The following ZNF331 variants were observed in gnomAD, a reference collection of about 807,000 sequenced individuals.
ZNF331 encodes C2H2-like zinc finger protein rearranged in thyroid adenomas.
Under a neutral mutation model 7.0 loss-of-function variants are expected in ZNF331, and 2 were observed. The ratio of observed to expected loss-of-function variants is 0.29; its 90% CI spans 0.12 to 0.90. The LOEUF (loss-of-function observed/expected upper bound fraction) is 0.90, where lower values mean the gene tolerates loss of function less well. Ranked by LOEUF, ZNF331 falls within the 40% of genes least tolerant of loss-of-function variation. ZNF331 has a pLI of 0.58. For missense variants in ZNF331, 432 were observed against 587.7 expected (o/e 0.74, Z 2.74); for synonymous variants, 196 against 205.4 (o/e 0.95, Z 0.39).
chr19:53,563,375 C>T (rs187961711), intron 3 of ZNF331, among the ~76,000 whole-genome samples: 6 of 152,142 alleles, frequency 3.9e-5, no homozygotes, highest in East Asian at 1.9e-4. Context: ...TGTGAGCCAC[C>T]GCACCCAGCC....
At position 53,573,298 on chromosome 19, in the gene ZNF331, C is replaced by T. The variant is rs981389453; in HGVS notation, c.136+1568C>T. Among the ~76,000 whole-genome samples, 9 of 151,622 alleles carry T rather than the reference C, an allele frequency of 5.9e-5. No individual in the cohort carries two copies. Among genetic ancestry groups the T allele is most frequent in the African/African-American group, 1.2e-4 (5 of 41,234 alleles). ...CTGGCAGGCCAAGGCAGACGGATCA[C>T]GAAGATAGGAGTTCGAGACCAGCTT... On this transcript the variant is annotated intron_variant, in intron 5 of 5. Coordinates refer to ENST00000449416, the MANE Select transcript of ZNF331 (RefSeq NM_001079906.2). The surrounding 1 kb of genome is among the most constrained non-coding windows in gnomAD (Gnocchi z 4.2).
exon 1 of ZNF331, chr19:53,521,159 T>A (rs1317504197): frequency 6.6e-6 from 1 of 152,198 alleles, no homozygotes; most frequent in Non-Finnish European, 1.5e-5. Context: ...CCTGATGTGC[T>A]GGGTGTGGTT....
upstream of ZNF331, among the ~76,000 whole-genome samples, chr19:53,514,859 C>T (rs1275664990): frequency 4.6e-5 from 7 of 152,116 alleles, no homozygotes; most frequent in African/African-American, 1.7e-4. Flanking sequence ...ACCATGTTAG[C>T]CAGGATGGTC....
intron 2 of ZNF331, among the ~76,000 whole-genome samples, chr19:53,544,063 C>T (rs193044368): frequency 1.3e-5 from 2 of 151,284 alleles, no homozygotes; most frequent in Admixed American, 6.6e-5. Context: ...CCCATCTCTA[C>T]TAAAAATACA....
chr19:53,534,983 T>G (rs1287332703), upstream of ZNF331, among the ~76,000 whole-genome samples: 2 of 131,484 alleles, frequency 1.5e-5, no homozygotes, highest in African/African-American at 5.8e-5. Context: ...CCTATAATTA[T>G]ATACTTTATA....
chr19:53,545,743 G>C (rs2088553317), intron 2 of ZNF331, among the ~76,000 whole-genome samples: 1 of 152,178 alleles, frequency 6.6e-6, no homozygotes, highest in African/African-American at 2.4e-5. Context: ...GGACATGAGA[G>C]CCAGGACCCT....
Position 53,558,807 on chromosome 19 carries a change from A to G in ZNF331, c.-74+2899A>G, listed in dbSNP as rs2147503563. On this transcript the variant is annotated intron_variant, in intron 3 of 5. Transcript: ENST00000449416. This position sits in a 1 kb window ranked among gnomAD's most constrained non-coding sequence, Gnocchi z 4.5. ...GACAAGAACATACAGACACACTCAT[A>G]CCCCATATATACACACATATAGGCA... Among the ~76,000 whole-genome samples the G allele has an allele frequency of 6.6e-6, 1 of 151,838 alleles. No homozygotes were observed. Among genetic ancestry groups the G allele is most frequent in the African/African-American group, 2.4e-5 (1 of 41,330 alleles).
chr19:53,519,743 A>G (rs2086996535), upstream of ZNF331, among the ~76,000 whole-genome samples: 1 of 152,178 alleles, frequency 6.6e-6, no homozygotes, highest in Non-Finnish European at 1.5e-5. Context: ...CCTTACAGAG[A>G]GAGCCTTGGC....
At position 53,544,915 on chromosome 19, in the gene ZNF331, G is replaced by A. The variant is rs190208917; in HGVS notation, c.-138+5633G>A. 3.9e-5 allele frequency among the ~76,000 whole-genome samples: 6 copies of A among 152,092 alleles called. No individual in the cohort carries two copies. The East Asian group carries it at 1.2e-3, about 30-fold the overall frequency. On this transcript the variant is annotated intron_variant, in intron 2 of 5. Coordinates refer to ENST00000449416, the MANE Select transcript of ZNF331 (RefSeq NM_001079906.2). ...TAGCCAGCTAATTTTTGTATTTTTA[G>A]TAGAGACGGGGTTTCACCATGTTGG...
At chr19:53,531,530 A>G (rs1171643623) in intron 2 of ZNF331, among the ~76,000 whole-genome samples, 1 of 152,162 alleles carries the variant, frequency 6.6e-6, no homozygotes, top group Non-Finnish European at 1.5e-5. Flanking sequence ...ATTCGTTTTT[A>G]AGTGGAATCA....
chr19:53,550,466 A>G (rs1393299084), intron 2 of ZNF331, among the ~76,000 whole-genome samples: 1 of 148,640 alleles, frequency 6.7e-6, no homozygotes, highest in Non-Finnish European at 1.5e-5. Flanking sequence ...TGATGGACTA[A>G]TTTTATTATA....
At chr19:53,538,992 A>G (rs116988642) in intron 1 of ZNF331, 11,140 of 152,112 alleles carry the variant, frequency 0.073, 537 homozygotes, top group Non-Finnish European at 0.11. Flanking sequence ...CATGCAGGCC[A>G]CCTGAGTGAC....
intron 3 of ZNF331, among the ~76,000 whole-genome samples, chr19:53,559,153 C>T (rs1248976179): frequency 7.0e-6 from 1 of 143,460 alleles, no homozygotes; most frequent in East Asian, 2.0e-4. Flanking sequence ...CACACATATA[C>T]ACACCTACAT....
upstream of ZNF331, chr19:53,537,780 G>C (rs73051516): frequency 0.072 from 11,047 of 152,460 alleles, 531 homozygotes; most frequent in Non-Finnish European, 0.11. Flanking sequence ...TTGGGAGAGT[G>C]GGAGGAGGGA....
At chr19:53,534,198 G>A (rs961897106), upstream of ZNF331, among the ~76,000 whole-genome samples, 7 of 152,192 alleles carry the variant, frequency 4.6e-5, no homozygotes, top group Non-Finnish European at 2.9e-5. Context: ...ACATGTTGAA[G>A]ACTGTGTTGC....
At chr19:53,566,927 C>A (rs1046864742) in intron 3 of ZNF331, among the ~76,000 whole-genome samples, 12 of 151,882 alleles carry the variant, frequency 7.9e-5, no homozygotes, top group African/African-American at 2.9e-4. Flanking sequence ...CCCTCCTTCC[C>A]TCTCTCCTCC....
intron 5 of ZNF331, among the ~76,000 whole-genome samples, chr19:53,574,264 G>T (rs1438084847): frequency 6.6e-6 from 1 of 152,066 alleles, no homozygotes; most frequent in Non-Finnish European, 1.5e-5. Context: ...AAGGGAAAGA[G>T]CCTTGATGGT....
chr19:53,543,203 T>G (rs1333325377), intron 2 of ZNF331, among the ~76,000 whole-genome samples: 1 of 152,118 alleles, frequency 6.6e-6, no homozygotes. Flanking sequence ...GGCAGGAGGA[T>G]CGCTTGAGCC....
intron 2 of ZNF331, among the ~76,000 whole-genome samples, chr19:53,531,880 A>G (rs1016965282): frequency 6.6e-6 from 1 of 152,218 alleles, no homozygotes; most frequent in Non-Finnish European, 1.5e-5. Context: ...GTTCAGCAGT[A>G]AAGGGATTTA....
Sources: gnomAD v4.1 joint callset for allele counts (sites outside exome capture counted in the v4.1 genomes callset) on GRCh38, gnomAD v4.1.1 for gene constraint, Gnocchi (gnomAD v3.1) non-coding constraint, MANE v1.5 for transcripts, NCBI Gene and HGNC (gene_info 2026-07-23, HGNC 2026-07-21) for gene names.